The following ANKRD27 variants were observed in gnomAD, a reference collection of about 807,000 sequenced individuals.
ANKRD27 encodes the protein ankyrin repeat domain 27, also known as ankyrin repeat domain-containing protein 27.
In ANKRD27, 112 loss-of-function variants were observed where a neutral mutation model predicts 129.7. That is an observed-to-expected ratio of 0.86 (90% confidence interval 0.74 to 1.01). ANKRD27 has a LOEUF of 1.01. Among genes scored for constraint, ANKRD27 ranks in the 50% least tolerant of loss-of-function variants. The probability of loss-of-function intolerance (pLI) is 0.00; values close to 1 mark genes in which losing one functional copy is unlikely to be tolerated. For synonymous variants in ANKRD27, 516 were observed against 511.2 expected (o/e 1.01, Z -0.13); for missense variants, 1,258 against 1,300.5 (o/e 0.97, Z 0.50).
rs1385844156 is a variant in ANKRD27, at chr19:32,656,113, A to AAAGAAAG, written c.102+2800_102+2801insCTTTCTT. On this transcript the variant is annotated intron_variant, in intron 2 of 28. Coordinates refer to ENST00000306065, the MANE Select transcript of ANKRD27 (RefSeq NM_032139.3). ...AAAGAAAGAAAGAAAGAAAGAAAAG[A>AAAGAAAG]AAAGAAAAGAAAAGAAAAGAAAAGA... 1.3e-4 allele frequency among the ~76,000 whole-genome samples: 15 copies of AAAGAAAG among 113,750 alleles called. No homozygotes were observed. The East Asian group carries it at 2.7e-3, about 21-fold the overall frequency. 74.6% of individuals were successfully genotyped at this position (113,750 alleles called of 152,430 possible).
chr19:32,646,372 T>C, intron 4 of ANKRD27, 87 bp downstream of exon 4: 3 of 1,418,030 alleles, frequency 2.1e-6, no homozygotes, highest in Non-Finnish European at 2.9e-6. Flanking sequence ...CCCGGCCTTG[T>C]TTAACCTTTC....
At chr19:32,646,970 C>T (rs534810797) in intron 3 of ANKRD27, among the ~76,000 whole-genome samples, 2 of 152,106 alleles carry the variant, frequency 1.3e-5, no homozygotes, top group Admixed American at 6.6e-5. Flanking sequence ...GCACTACAGG[C>T]ACCCACCACC....
chr19:32,651,472 C>T lies in ANKRD27; in HGVS notation c.103-1680G>A, dbSNP rs141644073. ...GCAAGTTCCGCCTCCCGGATTCACA[C>T]GATTCTCCTGCCTCAGTCTCCCAAG... is the stretch of plus-strand genomic sequence containing the variant. On this transcript the variant is annotated intron_variant, in intron 2 of 28. Transcript: ENST00000306065. Among the ~76,000 whole-genome samples, 488 of 152,196 alleles carry T rather than the reference C, an allele frequency of 3.2e-3. 3 individuals carry two copies. The highest frequency in any genetic ancestry group is 0.011 in the African/African-American group (448 of 41,538).
chr19:32,631,646 G>T, intron 12 of ANKRD27, 152 bp from the exon 13 acceptor site: 1 of 664,584 alleles, frequency 1.5e-6, no homozygotes, highest in Non-Finnish European at 2.6e-6. Flanking sequence ...GACGGAGGAC[G>T]GGCTGACGTC....
intron 2 of ANKRD27, among the ~76,000 whole-genome samples, chr19:32,656,103 G>GAAAGGAAGGAAAAGAAAAGAAAAGA (rs1555747137): frequency 8.1e-6 from 1 of 123,702 alleles, no homozygotes; most frequent in East Asian, 2.5e-4. Flanking sequence ...AAGAAAGAAA[G>GAAAGGAAGGAAAAGAAAAGAAAAGA]AAAGAAAAGA....
At chr19:32,606,374 G>A (rs1036663973) in intron 23 of ANKRD27, among the ~76,000 whole-genome samples, 53 of 152,000 alleles carry the variant, frequency 3.5e-4, no homozygotes, top group African/African-American at 1.2e-3. Context: ...GGCTGGCCTC[G>A]AACTCTTGAC....
intron 2 of ANKRD27, among the ~76,000 whole-genome samples, chr19:32,653,890 TG>T: frequency 6.6e-6 from 1 of 152,060 alleles, no homozygotes; most frequent in African/African-American, 2.4e-5. Context: ...GGGAGACACA[TG>T]GTTTTTTTTG....
At chr19:32,615,821 C>A (rs773976998) in intron 21 of ANKRD27, 41 bp from the exon 22 acceptor site, 3 of 1,597,240 alleles carry the variant, frequency 1.9e-6, no homozygotes, top group South Asian at 1.1e-5. Context: ...ACATCCTCAG[C>A]GTCTTTGCAT....
chr19:32,643,748 T>C (rs1967248095), intron 5 of ANKRD27, 117 bp from the exon 6 acceptor site: 1 of 1,038,482 alleles, frequency 9.6e-7, no homozygotes, highest in East Asian at 2.4e-5. Context: ...ATGAAGTCAA[T>C]TACGTGATTT....
intron 26 of ANKRD27, among the ~76,000 whole-genome samples, chr19:32,600,716 C>G (rs555532098): frequency 6.6e-6 from 1 of 152,198 alleles, no homozygotes; most frequent in East Asian, 1.9e-4. Flanking sequence ...TTATGAGAAC[C>G]CCCATGAAAT....
At chr19:32,634,341 G>A (rs531878601) in intron 12 of ANKRD27, among the ~76,000 whole-genome samples, 12 of 152,310 alleles carry the variant, frequency 7.9e-5, no homozygotes, top group South Asian at 2.1e-4. Context: ...CGCCTGCTCC[G>A]TCAATTACAG....
intron 1 of ANKRD27, among the ~76,000 whole-genome samples, chr19:32,670,183 A>C (rs1251969975): frequency 1.3e-5 from 2 of 152,160 alleles, no homozygotes; most frequent in Non-Finnish European, 2.9e-5. Flanking sequence ...CCACGCCCTT[A>C]ACAAGCACTG....
At chr19:32,620,948 T>C (rs920114340) in intron 18 of ANKRD27, among the ~76,000 whole-genome samples, 1 of 151,428 alleles carries the variant, frequency 6.6e-6, no homozygotes. Context: ...GATGGATATG[T>C]TTATGGCGTA....
intron 1 of ANKRD27, among the ~76,000 whole-genome samples, chr19:32,660,124 A>G (rs1967616729): frequency 6.6e-6 from 1 of 152,288 alleles, no homozygotes; most frequent in South Asian, 2.1e-4. Flanking sequence ...AATTTCTGTT[A>G]GTCTGTGCTA....
intron 20 of ANKRD27, 42 bp downstream of exon 20, chr19:32,619,218 G>A (rs772108019): frequency 7.5e-6 from 12 of 1,589,948 alleles, no homozygotes; most frequent in South Asian, 3.4e-5. Flanking sequence ...GCCCAGGGCC[G>A]CCAAGGCCTC....
intron 3 of ANKRD27, among the ~76,000 whole-genome samples, chr19:32,647,186 C>T (rs1273725817): frequency 2.0e-5 from 3 of 152,212 alleles, no homozygotes; most frequent in Non-Finnish European, 4.4e-5. Flanking sequence ...CTCGGTCTTT[C>T]TTTGCCTTTC....
intron 11 of ANKRD27, among the ~76,000 whole-genome samples, chr19:32,639,764 G>C (rs1967160559): frequency 6.6e-6 from 1 of 152,192 alleles, no homozygotes; most frequent in Non-Finnish European, 1.5e-5. Flanking sequence ...GGGCCAGAAA[G>C]AATGGCAATC....
intron 1 of ANKRD27, among the ~76,000 whole-genome samples, chr19:32,665,469 T>G (rs1967735082): frequency 6.7e-6 from 1 of 149,902 alleles, no homozygotes; most frequent in Admixed American, 6.7e-5. Flanking sequence ...TTTGTTTGTT[T>G]GTTTGTTTGA....
intron 1 of ANKRD27, among the ~76,000 whole-genome samples, chr19:32,671,951 T>C (rs1044786204): frequency 6.6e-6 from 1 of 152,130 alleles, no homozygotes; most frequent in African/African-American, 2.4e-5. Context: ...GGCCTCAAAC[T>C]AGTATTTCAG....
Sources: allele counts gnomAD v4.1 joint callset (sites outside exome capture counted in the v4.1 genomes callset), GRCh38; gene constraint gnomAD v4.1.1; transcripts MANE v1.5; gene names NCBI Gene and HGNC (gene_info 2026-07-23, HGNC 2026-07-21).